Variants in MERTK observed in about 807,000 individuals in gnomAD.
MERTK encodes MER proto-oncogene, tyrosine kinase.
MERTK carries 69 observed loss-of-function variants against 99.3 expected under a neutral mutation model. The observed-to-expected ratio is 0.70, with a 90% confidence interval of 0.57 to 0.85. MERTK has a LOEUF of 0.85. MERTK is among the 40% of genes least tolerant of loss of function. The pLI is 0.00. For missense variants in MERTK, 1,125 were observed against 1,249.4 expected (o/e 0.90, Z 1.50); for synonymous variants, 426 against 467.6 (o/e 0.91, Z 1.15).
At chr2:111,931,561 C>T (rs1410434773) in intron 2 of MERTK, among the ~76,000 whole-genome samples, 1 of 152,116 alleles carries the variant, frequency 6.6e-6, no homozygotes, top group African/African-American at 2.4e-5. Flanking sequence ...TGGCGCACGC[C>T]TATAGTCCCA....
rs1677287492 is a variant in MERTK, at chr2:112,019,440, T to G, written c.2107T>G (p.Phe703Val). Reference protein sequence around the residue: ...KHIPLQTLLKFMVDIALGMEY... With the variant: ...KHIPLQTLLKVMVDIALGMEY... ...TATTCCTCTGCAGACACTATTGAAG[T>G]TCATGGTGGATATTGCCCTGGGAAT... Residue 703 changes from phenylalanine (F) to valine (V), a missense_variant, in exon 16 of 19, where the codon TTC (phenylalanine) becomes GTC (valine). Transcript: ENST00000295408. 6 of 1,613,326 alleles carry G rather than the reference T, an allele frequency of 3.7e-6. No homozygotes were observed. Among genetic ancestry groups the G allele is most frequent in the Non-Finnish European group, 5.1e-6 (6 of 1,179,302 alleles).
chr2:111,929,551 T>G lies in MERTK; in HGVS notation c.482+11T>G. ...AATCGCTTCCTTCAGGTATGTGTTCTTTCTTCCTTTTTTATTTTTTTAGTT... is the reference window on the plus strand; with the variant it reads ...AATCGCTTCCTTCAGGTATGTGTTCGTTCTTCCTTTTTTATTTTTTTAGTT... On this transcript the variant is annotated intron_variant, in intron 2 of 18. Coordinates refer to ENST00000295408, the MANE Select transcript of MERTK (RefSeq NM_006343.3). The G allele has an allele frequency of 1.3e-6, 2 of 1,531,982 alleles. No homozygotes were observed. The highest frequency in any genetic ancestry group is 1.4e-5 in the African/African-American group (1 of 69,404). The allele number at this position is 1,531,982 out of a possible 1,614,324, so 94.9% of individuals were successfully genotyped here.
intron 1 of MERTK, among the ~76,000 whole-genome samples, chr2:111,899,497 T>C (rs1684001223): frequency 6.6e-6 from 1 of 152,062 alleles, no homozygotes; most frequent in South Asian, 2.1e-4. Flanking sequence ...TTATCTGGAT[T>C]CAGCGAAGTG....
intron 1 of MERTK, among the ~76,000 whole-genome samples, chr2:111,899,726 C>T (rs1396866325): frequency 1.3e-5 from 2 of 152,106 alleles, no homozygotes; most frequent in Non-Finnish European, 2.9e-5. Context: ...CCATGTTGGC[C>T]AGGATGGTCT....
chr2:112,020,645 C>G (rs148346352), intron 16 of MERTK: 25 of 470,992 alleles, frequency 5.3e-5, no homozygotes, highest in African/African-American at 4.8e-4. Context: ...GCATCTTGCT[C>G]TTACTGCAGG....
rs574010867 is a variant in MERTK, at chr2:112,011,494, G to A, written c.2079+1428G>A. On this transcript the variant is annotated intron_variant, in intron 15 of 18. Transcript: ENST00000295408. ...TGCCCAGGTGCGGTGGCTCATGCCTGTAATCCCAGCACATTGGGAGGCTGA... is the reference window on the plus strand; with the variant it reads ...TGCCCAGGTGCGGTGGCTCATGCCTATAATCCCAGCACATTGGGAGGCTGA... 4.6e-5 allele frequency among the ~76,000 whole-genome samples: 7 copies of A among 152,308 alleles called. No individual in the cohort carries two copies. In the South Asian group the frequency reaches 1.2e-3, roughly 27 times the overall value.
chr2:111,942,562 TCTC>T (rs1405311066), intron 2 of MERTK, among the ~76,000 whole-genome samples: 4 of 152,144 alleles, frequency 2.6e-5, no homozygotes, highest in Non-Finnish European at 4.4e-5. Flanking sequence ...CTTTTCATCT[TCTC>T]CTGGTAACCT....
chr2:111,960,492 A>G (rs1280324317), intron 4 of MERTK, among the ~76,000 whole-genome samples: 2 of 150,302 alleles, frequency 1.3e-5, no homozygotes, highest in Non-Finnish European at 1.5e-5. Flanking sequence ...AAAAAAAAAA[A>G]AAAAAAAAAG....
At position 111,982,687 on chromosome 2, in the gene MERTK, T is replaced by A. The variant is rs548709149; in HGVS notation, c.1145-155T>A. On this transcript the variant is annotated intron_variant, in intron 7 of 18. Coordinates refer to ENST00000295408, the MANE Select transcript of MERTK (RefSeq NM_006343.3). ...AAACTCACTGATATCTCAGTGAAAATCTTAGTTGAAAAGGTGAAAATGTGC... is the reference window on the plus strand; with the variant it reads ...AAACTCACTGATATCTCAGTGAAAAACTTAGTTGAAAAGGTGAAAATGTGC... Among the ~76,000 whole-genome samples the A allele has an allele frequency of 1.7e-4, 26 of 152,334 alleles. No homozygotes were observed. In the South Asian group the frequency reaches 5.2e-3, roughly 30 times the overall value.
At position 112,013,351 on chromosome 2, in the gene MERTK, G is replaced by A. The variant is rs1276281316; in HGVS notation, c.2079+3285G>A. On this transcript the variant is annotated intron_variant, in intron 15 of 18. Coordinates refer to ENST00000295408, the MANE Select transcript of MERTK (RefSeq NM_006343.3). The stretch of plus-strand genomic sequence containing the variant: ...TTTTCCCCCAAAAAGAAAGATGATT[G>A]CATTATAGGAAGTCTGTAAAAGGAT... 14 of 154,180 alleles carry A rather than the reference G, an allele frequency of 9.1e-5. 1 individual carries two copies. The Admixed American group carries it at 9.2e-4, about 10-fold the overall frequency. The allele number at this position is 154,180 out of a possible 1,614,324, so 9.6% of individuals were successfully genotyped here.
chr2:111,953,723 C>G lies in MERTK; in HGVS notation c.757+6156C>G, dbSNP rs950480967. ...CCCAAGCAGCTGGGATTACAGGCAC[C>G]CACTATCATGCCCGGCTCATTTTTG... On this transcript the variant is annotated intron_variant, in intron 4 of 18. Coordinates refer to ENST00000295408, the MANE Select transcript of MERTK (RefSeq NM_006343.3). Among the ~76,000 whole-genome samples, 31 of 152,112 alleles carry G rather than the reference C, an allele frequency of 2.0e-4. 1 individual carries two copies. Among genetic ancestry groups the G allele is most frequent in the Admixed American group, 5.9e-4 (9 of 15,276 alleles).
In MERTK at chr2:111,956,301, G is replaced by T. The variant is rs1448031089; in HGVS notation, c.757+8734G>T. 3.9e-5 allele frequency among the ~76,000 whole-genome samples: 6 copies of T among 152,200 alleles called. No homozygotes were observed. The South Asian group carries it at 1.2e-3, about 32-fold the overall frequency. On this transcript the variant is annotated intron_variant, in intron 4 of 18. Transcript: ENST00000295408. ...ATGAATGTAAAGCCCTTGGTACCAG[G>T]ATTGCCTATAGGAATGATTGAAATG...
intron 18 of MERTK, among the ~76,000 whole-genome samples, chr2:112,027,759 AC>A (rs1394415269): frequency 2.6e-5 from 4 of 151,932 alleles, no homozygotes; most frequent in Admixed American, 2.6e-4. Context: ...GCACACAACT[AC>A]CCCCTGCCCT....
chr2:111,985,309 A>T (rs1474917870), intron 8 of MERTK, among the ~76,000 whole-genome samples: 1 of 152,158 alleles, frequency 6.6e-6, no homozygotes, highest in African/African-American at 2.4e-5. Flanking sequence ...GGGTGTGATT[A>T]GGTGGGCAGC....
intron 4 of MERTK, among the ~76,000 whole-genome samples, chr2:111,954,258 G>T (rs1016902618): frequency 6.6e-6 from 1 of 152,174 alleles, no homozygotes; most frequent in Non-Finnish European, 1.5e-5. Flanking sequence ...AGGCCCATGA[G>T]CGACTGTGCC....
Position 112,008,644 on chromosome 2 carries a change from G to A in MERTK, c.1960+169G>A, listed in dbSNP as rs139297242. 5.2e-4 allele frequency: 377 copies of A among 720,884 alleles called. 3 individuals carry two copies. In the East Asian group the frequency reaches 9.6e-3, roughly 18 times the overall value. 44.7% of individuals were successfully genotyped at this position (720,884 alleles called of 1,614,324 possible). The stretch of plus-strand genomic sequence containing the variant: ...TTTTCTTCATAATGATGTTTTCTGA[G>A]GCTAATAGTAATAATGAGTTTGCAT... On this transcript the variant is annotated intron_variant, in intron 14 of 18. Transcript: ENST00000295408.
intron 2 of MERTK, among the ~76,000 whole-genome samples, chr2:111,929,753 A>AT (rs72180817): frequency 0.029 from 4,187 of 143,088 alleles, 88 homozygotes; most frequent in Middle Eastern, 0.052. Flanking sequence ...CACCCAGCTA[A>AT]TTTTTTTTTT....
chr2:112,013,855 AG>A (rs1387303589), intron 15 of MERTK, among the ~76,000 whole-genome samples: 1 of 72,264 alleles, frequency 1.4e-5, no homozygotes, highest in Non-Finnish European at 3.0e-5. Flanking sequence ...ATAATTTGGG[AG>A]GGGGGTGGTG....
chr2:112,003,266 TTAAA>T (rs773909531), intron 12 of MERTK, 79 bp downstream of exon 12: 33 of 727,146 alleles, frequency 4.5e-5, no homozygotes, highest in Non-Finnish European at 8.0e-5. Flanking sequence ...CATATATTTA[TTAAA>T]TAAAATAGCA....
Sources: allele counts gnomAD v4.1 joint callset (sites outside exome capture counted in the v4.1 genomes callset), GRCh38; gene constraint gnomAD v4.1.1; transcripts MANE v1.5; gene names NCBI Gene and HGNC (gene_info 2026-07-23, HGNC 2026-07-21).